CPNE1: variants seen among roughly 807,000 people sequenced by gnomAD.
CPNE1 encodes the protein copine-1.
In CPNE1, 58 loss-of-function variants were observed where a neutral mutation model predicts 63.2. The ratio of observed to expected loss-of-function variants is 0.92; its 90% CI spans 0.74 to 1.14. The LOEUF (loss-of-function observed/expected upper bound fraction) is 1.14, where lower values mean the gene tolerates loss of function less well. CPNE1 is among the 50% of genes most tolerant of loss of function. CPNE1 has a pLI of 0.00. For missense variants in CPNE1, 672 were observed against 661.7 expected, an observed-to-expected ratio of 1.02 and a Z score of -0.17; for synonymous variants, 237 against 249.0, an observed-to-expected ratio of 0.95 and a Z score of 0.45.
chr20:35,643,834 T>C (rs1048641825), intron 1 of CPNE1, among the ~76,000 whole-genome samples: 1 of 152,088 alleles, frequency 6.6e-6, no homozygotes, highest in African/African-American at 2.4e-5. Context: ...CCCTCCACAC[T>C]ATAGTTGGAG....
intron 1 of CPNE1, among the ~76,000 whole-genome samples, chr20:35,635,136 A>G (rs368741977): frequency 2.6e-5 from 4 of 151,684 alleles, no homozygotes; most frequent in Non-Finnish European, 4.4e-5. Context: ...CCCTTTCCCC[A>G]CAAGTCTTTA....
chr20:35,651,401 C>G (rs1414412192), intron 1 of CPNE1: 1 of 152,202 alleles, frequency 6.6e-6, no homozygotes, highest in African/African-American at 2.4e-5. Context: ...AAACAGGCTC[C>G]TGATCGAACA....
At chr20:35,652,899 G>A in intron 1 of CPNE1, 1 of 1,613,646 alleles carries the variant, frequency 6.2e-7, no homozygotes, top group Non-Finnish European at 8.5e-7. Context: ...GACCAGGAGG[G>A]CCACTTCCAA....
At chr20:35,648,684 C>T (rs866672377) in intron 1 of CPNE1, among the ~76,000 whole-genome samples, 1 of 152,190 alleles carries the variant, frequency 6.6e-6, no homozygotes, top group Non-Finnish European at 1.5e-5. Flanking sequence ...GCCAACACAT[C>T]ATACACATAA....
chr20:35,637,474 A>G (rs1343135316), intron 1 of CPNE1, among the ~76,000 whole-genome samples: 2 of 152,110 alleles, frequency 1.3e-5, no homozygotes, highest in African/African-American at 4.8e-5. Context: ...CCACCGAACT[A>G]GTCATCCAAA....
intron 13 of CPNE1, among the ~76,000 whole-genome samples, chr20:35,628,567 A>G (rs566014135): frequency 6.6e-6 from 1 of 152,282 alleles, no homozygotes; most frequent in East Asian, 1.9e-4. Flanking sequence ...AAAATGTACA[A>G]CCTGAATCTA....
intron 1 of CPNE1, among the ~76,000 whole-genome samples, chr20:35,635,960 A>C (rs1242438303): frequency 6.6e-6 from 1 of 152,192 alleles, no homozygotes; most frequent in Non-Finnish European, 1.5e-5. Context: ...ATCATCAGAA[A>C]GTCTAGGTCC....
At chr20:35,660,849 C>T (rs1022791616) in intron 1 of CPNE1, among the ~76,000 whole-genome samples, 3 of 152,136 alleles carry the variant, frequency 2.0e-5, no homozygotes, top group African/African-American at 7.2e-5. Flanking sequence ...TCAAAAGATA[C>T]CGTATGTCTA....
chr20:35,627,514 G>T (rs1441796858), intron 13 of CPNE1, 101 bp from the exon 14 acceptor site: 1 of 1,239,478 alleles, frequency 8.1e-7, no homozygotes, highest in Admixed American at 2.5e-5. Flanking sequence ...CGGAACCTGG[G>T]TGCATTTCAT....
chr20:35,631,490 A>G lies in CPNE1; in HGVS notation c.714+2T>C, dbSNP rs775848976. ...CACACCCCTGGCAAGACCAGCACTCACCGGGACTGCCTGCAGCTGGGCCAA... is the reference window on the plus strand; with the variant it reads ...CACACCCCTGGCAAGACCAGCACTCGCCGGGACTGCCTGCAGCTGGGCCAA... On this transcript the variant is annotated splice_donor_variant, in intron 8 of 15. Transcript: ENST00000397443. LOFTEE classifies it high-confidence loss of function. The G allele has an allele frequency of 6.2e-7, 1 of 1,613,604 alleles. No individual in the cohort carries two copies. The highest frequency in any genetic ancestry group is 1.7e-5 in the Admixed American group (1 of 59,988).
intron 1 of CPNE1, 98 bp from the exon 2 acceptor site, chr20:35,633,021 C>T (rs1423780395): frequency 1.3e-6 from 1 of 782,132 alleles, no homozygotes; most frequent in African/African-American, 1.7e-5. Context: ...ATCACCCAGG[C>T]AGGGCTGAGC....
chr20:35,641,490 T>C (rs73104737), intron 1 of CPNE1, among the ~76,000 whole-genome samples: 4 of 152,356 alleles, frequency 2.6e-5, no homozygotes, highest in Non-Finnish European at 5.9e-5. Context: ...GTCATATCTA[T>C]ATAACTTGGG....
chr20:35,654,268 G>T (rs775195557), intron 1 of CPNE1: 6 of 1,614,198 alleles, frequency 3.7e-6, no homozygotes, highest in Non-Finnish European at 5.1e-6. Context: ...ATCTTGAGGG[G>T]AGAGAAACTT....
In CPNE1 at chr20:35,630,587, G is replaced by A; in HGVS notation, c.1051-97C>T. ...TGCCAAGATTCCTATAGGAGCTATG[G>A]AGTCCTGAGCACTTGCTGTCTACGT... is the stretch of plus-strand genomic sequence containing the variant. On this transcript the variant is annotated intron_variant, in intron 12 of 15. Transcript: ENST00000397443. 8.1e-6 allele frequency: 12 copies of A among 1,482,434 alleles called. No individual in the cohort carries two copies. The South Asian group carries it at 1.4e-4, about 17-fold the overall frequency. 91.8% of individuals were successfully genotyped at this position (1,482,434 alleles called of 1,614,324 possible).
chr20:35,660,854 T>G (rs1455218348), intron 1 of CPNE1, among the ~76,000 whole-genome samples: 3 of 152,194 alleles, frequency 2.0e-5, no homozygotes, highest in Non-Finnish European at 4.4e-5. Context: ...AGATACCGTA[T>G]GTCTATCTTG....
intron 1 of CPNE1, among the ~76,000 whole-genome samples, chr20:35,640,650 G>C (rs2032748812): frequency 6.6e-6 from 1 of 152,078 alleles, no homozygotes. Context: ...ATCAAAATGT[G>C]TAACTTGCTT....
intron 1 of CPNE1, 35 bp downstream of exon 1, chr20:35,664,715 GAGCCCCGCAC>G (rs1568949663): frequency 6.6e-6 from 1 of 152,362 alleles, no homozygotes; most frequent in African/African-American, 2.4e-5. Context: ...GGGGCACCAC[GAGCCCCGCAC>G]AGCCCCACCC....
intron 6 of CPNE1, 45 bp from the exon 7 acceptor site, chr20:35,631,822 C>T (rs1321688337): frequency 6.4e-7 from 1 of 1,570,306 alleles, no homozygotes; most frequent in South Asian, 1.1e-5. Flanking sequence ...GGCATGGCCC[C>T]CTGAGGAGCT....
intron 1 of CPNE1, chr20:35,653,366 G>C: frequency 6.2e-7 from 1 of 1,614,118 alleles, no homozygotes; most frequent in South Asian, 1.1e-5. Context: ...CCCGCATTGG[G>C]CATTCCTGGA....
Sources: allele counts gnomAD v4.1 joint callset (sites outside exome capture counted in the v4.1 genomes callset), GRCh38; gene constraint gnomAD v4.1.1; transcripts MANE v1.5; gene names NCBI Gene and HGNC (gene_info 2026-07-23, HGNC 2026-07-21).